The following IRF2BPL variants were observed in gnomAD, a reference collection of about 807,000 sequenced individuals.
IRF2BPL encodes probable E3 ubiquitin-protein ligase IRF2BPL.
Under a neutral mutation model 51.2 loss-of-function variants are expected in IRF2BPL, and 13 were observed. That is an observed-to-expected ratio of 0.25 (90% CI 0.17 to 0.40). The LOEUF is 0.40. Among genes scored for constraint, IRF2BPL ranks in the 10% least tolerant of loss-of-function variants. The pLI is 1.00. For synonymous variants in IRF2BPL, 768 were observed against 509.2 expected (o/e 1.51, Z -6.84); for missense variants, 1,210 against 1,111.8 (o/e 1.09, Z -1.26).
In IRF2BPL at chr14:77,026,809, A is replaced by C; in HGVS notation, c.984T>G (p.Gly328=). Residue 328 remains glycine, a synonymous_variant, in exon 1 of 1, where the codon GGT becomes GGG. Coordinates refer to ENST00000238647, the MANE Select transcript of IRF2BPL (RefSeq NM_024496.4). ...SSVAEVGVGA[G]GKRPGSVSST... ...TCGACACCGAGCCGGGCCTCTTACC[A>C]CCAGCACCCACGCCCACCTCTGCCA... is the stretch of plus-strand genomic sequence containing the variant. The C allele has an allele frequency of 6.2e-7, 1 of 1,612,378 alleles. No homozygotes were observed. The highest frequency in any genetic ancestry group is 8.5e-7 in the Non-Finnish European group (1 of 1,179,630).
rs748742126 is a variant in IRF2BPL, at chr14:77,026,737, C to T, written c.1056G>A (p.Glu352=). 4 of 1,612,416 alleles carry T rather than the reference C, an allele frequency of 2.5e-6. No individual in the cohort carries two copies. The highest frequency in any genetic ancestry group is 3.4e-6 in the Non-Finnish European group (4 of 1,179,800). The stretch of plus-strand genomic sequence containing the variant: ...GGCTCTCGCTCAGCTCGGCCAGGGC[C>T]TCGGCGTTGCGCTGCTTCTCCTTCA... ...RELKEKQRNA[E]ALAELSESLR... The change falls in exon 1 of 1, where the codon GAG becomes GAA. Residue 352 remains glutamate, a synonymous_variant. Transcript: ENST00000238647.
chr14:77,027,446 TGC>T lies in IRF2BPL; in HGVS notation c.345_346del (p.Gln116AlafsTer16). On this transcript the variant is annotated frameshift_variant, in exon 1 of 1. Coordinates refer to ENST00000238647, the MANE Select transcript of IRF2BPL (RefSeq NM_024496.4). LOFTEE classifies it high-confidence loss of function. ...CTGCTGCTGCTGCTGCTGCTGCTGC[TGC>T]TGTTGCTGCTGCTGCTGCTGCTGTT... The T allele has an allele frequency of 2.1e-6, 2 of 973,222 alleles. No homozygotes were observed. The highest frequency in any genetic ancestry group is 2.9e-6 in the Non-Finnish European group (2 of 692,942). 60.3% of individuals were successfully genotyped at this position (973,222 alleles called of 1,614,324 possible). A position where few individuals can be genotyped will look rare whatever the true frequency, so the allele number is the denominator to read the frequency against.
rs1885196330 is a variant in IRF2BPL at position 77,027,695 on chromosome 14, G to T, written c.98C>A (p.Pro33His). ...PWAMIWDFSE[P>H]VCRGCVNYEG... ...GTAGTTGACGCAACCGCGGCATACG[G>T]GTTCCGAGAAGTCCCAGATCATGGC... is the stretch of plus-strand genomic sequence containing the variant. The change falls in exon 1 of 1, where the codon CCC becomes CAC. Residue 33 changes from proline (P) to histidine (H), a missense_variant. Transcript: ENST00000238647. 1 of 1,610,466 alleles carries T rather than the reference G, an allele frequency of 6.2e-7. No homozygotes were observed. The highest frequency in any genetic ancestry group is 8.5e-7 in the Non-Finnish European group (1 of 1,178,936).
chr14:77,026,632 G>C lies in IRF2BPL; in HGVS notation c.1161C>G (p.Pro387=). 1.9e-6 allele frequency: 3 copies of C among 1,613,796 alleles called. No homozygotes were observed. Among genetic ancestry groups the C allele is most frequent in the Non-Finnish European group, 1.7e-6 (2 of 1,180,002 alleles). ...DTLLTLAGCT[P]YEVRFKKDHS... is the part of the protein sequence containing the mutation. ...GGTCCTTCTTGAAGCGAACCTCGTAGGGCGTGCAGCCTGCCAGCGTGAGCA... is the reference window on the plus strand; with the variant it reads ...GGTCCTTCTTGAAGCGAACCTCGTACGGCGTGCAGCCTGCCAGCGTGAGCA... The change falls in exon 1 of 1, where the codon CCC becomes CCG. Residue 387 remains proline, a synonymous_variant. Transcript: ENST00000238647.
rs762360613 is a variant in IRF2BPL at position 77,027,654 on chromosome 14, T to C, written c.139A>G (p.Ile47Val). The C allele has an allele frequency of 4.3e-6, 7 of 1,610,960 alleles. No individual in the cohort carries two copies. Among genetic ancestry groups the C allele is most frequent in the Non-Finnish European group, 5.9e-6 (7 of 1,179,174 alleles). ...CGCGCTGTCTCGATCACGAATTCGA[T>C]GCGATCAGCGCCCTCGTAGTTGACG... ...GCVNYEGADR[I>V]EFVIETARQL... The change falls in exon 1 of 1, where the codon ATC (isoleucine) becomes GTC (valine). Residue 47 changes from isoleucine (I) to valine (V), a missense_variant. Coordinates refer to ENST00000238647, the MANE Select transcript of IRF2BPL (RefSeq NM_024496.4).
Position 77,025,219 on chromosome 14 carries a change from C to T in IRF2BPL, c.*183G>A, listed in dbSNP as rs1885075415. 2 of 461,792 alleles carry T rather than the reference C, an allele frequency of 4.3e-6. No homozygotes were observed. Among genetic ancestry groups the T allele is most frequent in the Non-Finnish European group, 7.6e-6 (2 of 262,644 alleles). 28.6% of individuals were successfully genotyped at this position (461,792 alleles called of 1,614,324 possible). On this transcript the variant is annotated 3_prime_UTR_variant, in exon 1 of 1. Transcript: ENST00000238647. ...ATGAAGAAGTTACATACCTTTGTTT[C>T]AAAATATAGAAACATACGACGAAAA...
At position 77,027,905 on chromosome 14, in the gene IRF2BPL, GGGGGCGAGAAAGTTCTGCCCCA is replaced by G. The variant is rs1243935268; in HGVS notation, c.-135_-114del. 4.6e-6 allele frequency: 6 copies of G among 1,304,154 alleles called. No homozygotes were observed. The highest frequency in any genetic ancestry group is 6.0e-6 in the Non-Finnish European group (6 of 996,882). The allele number at this position is 1,304,154 out of a possible 1,614,324, so 80.8% of individuals were successfully genotyped here. ...GTCCGACTGCGGGGGAGGGAGGAGGGGGGGCGAGAAAGTTCTGCCCCAGGGGCTGGAGGGAACGCGAGTCTCC... is the reference window on the plus strand; with the variant it reads ...GTCCGACTGCGGGGGAGGGAGGAGGGGGGGCTGGAGGGAACGCGAGTCTCC... On this transcript the variant is annotated 5_prime_UTR_variant, in exon 1 of 1. Coordinates refer to ENST00000238647, the MANE Select transcript of IRF2BPL (RefSeq NM_024496.4).
chr14:77,026,059 C>T lies in IRF2BPL; in HGVS notation c.1734G>A (p.Lys578=). ...QWMANQSEAL[K]LTMSAGGFAA... ...CGAAGCCCCCGGCGGACATGGTGAG[C>T]TTCAGCGCCTCGCTCTGGTTCGCCA... The change falls in exon 1 of 1, where the codon AAG becomes AAA. Residue 578 remains lysine, a synonymous_variant. Coordinates refer to ENST00000238647, the MANE Select transcript of IRF2BPL (RefSeq NM_024496.4). 6.4e-7 allele frequency: 1 copy of T among 1,568,466 alleles called. No homozygotes were observed. Among genetic ancestry groups the T allele is most frequent in the Middle Eastern group, 1.7e-4 (1 of 5,972 alleles).
rs1426513358 is a variant in IRF2BPL, at chr14:77,025,727, C to T, written c.2066G>A (p.Ser689Asn). ...CACTTGGTCCATGCCCGGGTGGGCG[C>T]TAGGCGGCGGGGGCGCCACCTGTAA... ...LNLQVAPPPP[S>N]AHPGMDQVHP... The change falls in exon 1 of 1, where the codon AGC (serine) becomes AAC (asparagine). Residue 689 changes from serine (S) to asparagine (N), a missense_variant. Transcript: ENST00000238647. 3 of 1,578,632 alleles carry T rather than the reference C, an allele frequency of 1.9e-6. No individual in the cohort carries two copies.
In IRF2BPL at chr14:77,025,893, G is replaced by C; in HGVS notation, c.1900C>G (p.Leu634Val). 6.2e-7 allele frequency: 1 copy of C among 1,612,270 alleles called. No individual in the cohort carries two copies. The highest frequency in any genetic ancestry group is 8.5e-7 in the Non-Finnish European group (1 of 1,179,700). The part of the protein sequence containing the change: ...MAALMSVADT[L>V]GTAHSPKDGS... Reference sequence around the variant, plus strand: ...TCCTTGGGCGAGTGCGCTGTGCCCAGAGTATCTGCCACCGACATGAGAGCG... The same window carrying C: ...TCCTTGGGCGAGTGCGCTGTGCCCACAGTATCTGCCACCGACATGAGAGCG... The change falls in exon 1 of 1, where the codon CTG becomes GTG. Residue 634 changes from leucine to valine, a missense_variant. By Grantham distance (32) the Leu-to-Val change is conservative (BLOSUM62 1). Transcript: ENST00000238647.
At position 77,026,103 on chromosome 14, in the gene IRF2BPL, G is replaced by C; in HGVS notation, c.1690C>G (p.Gln564Glu). Reference sequence around the variant, plus strand: ...TTCGCCATCCACTGCTGCCTCTGCTGTTCCTCGCCCAGCTTCAGCGCGCCC... The same window carrying C: ...TTCGCCATCCACTGCTGCCTCTGCTCTTCCTCGCCCAGCTTCAGCGCGCCC... ...AEGALKLGEE[Q>E]QRQQWMANQS... The change falls in exon 1 of 1, where the codon CAG (glutamine) becomes GAG (glutamate). Residue 564 changes from glutamine to glutamate, a missense_variant. Transcript: ENST00000238647. 6.3e-7 allele frequency: 1 copy of C among 1,575,944 alleles called. No homozygotes were observed. Among genetic ancestry groups the C allele is most frequent in the South Asian group, 1.1e-5 (1 of 87,340 alleles).
At position 77,027,504 on chromosome 14, in the gene IRF2BPL, C is replaced by T. The variant is rs761812304; in HGVS notation, c.289G>A (p.Ala97Thr). The change falls in exon 1 of 1, where the codon GCC (alanine) becomes ACC (threonine). Residue 97 changes from alanine to threonine, a missense_variant. Coordinates refer to ENST00000238647, the MANE Select transcript of IRF2BPL (RefSeq NM_024496.4). ...EAAAAAAAAA[A>T]AAAAAQQQQQ... is the part of the protein sequence containing the mutation. ...TGCTGTTGCGCGGCGGCGGCGGCGG[C>T]CGCCGCTGCTGCCGCCGCCGCCGCC... is the stretch of plus-strand genomic sequence containing the variant. The T allele has an allele frequency of 1.4e-5, 9 of 625,674 alleles. 1 individual carries two copies. In the South Asian group the frequency reaches 3.0e-4, roughly 21 times the overall value. The allele number at this position is 625,674 out of a possible 1,614,324, so 38.8% of individuals were successfully genotyped here. A position where few individuals can be genotyped will look rare whatever the true frequency, so the allele number is the denominator to read the frequency against.
chr14:77,025,497 G>A lies in IRF2BPL; in HGVS notation c.2296C>T (p.Leu766=), dbSNP rs935659940. ...VYCPSGEKCP[L]VGSNVPWAFM... Reference sequence around the variant, plus strand: ...GCCCAAGGTACATTCGACCCGACTAGGGGGCATTTCTCTCCGCTGGGGCAA... The same window carrying A: ...GCCCAAGGTACATTCGACCCGACTAAGGGGCATTTCTCTCCGCTGGGGCAA... Residue 766 remains leucine, a synonymous_variant, in exon 1 of 1, where the codon CTA becomes TTA. Coordinates refer to ENST00000238647, the MANE Select transcript of IRF2BPL (RefSeq NM_024496.4). 2.3e-5 allele frequency: 37 copies of A among 1,613,690 alleles called. No individual in the cohort carries two copies. Among genetic ancestry groups the A allele is most frequent in the Non-Finnish European group, 3.1e-5 (36 of 1,179,834 alleles).
Position 77,026,217 on chromosome 14 carries a change from C to T in IRF2BPL, c.1576G>A (p.Ala526Thr), listed in dbSNP as rs1457782159. 4 of 1,399,636 alleles carry T rather than the reference C, an allele frequency of 2.9e-6. No individual in the cohort carries two copies. The South Asian group carries it at 4.9e-5, about 17-fold the overall frequency. The allele number at this position is 1,399,636 out of a possible 1,614,324, so 86.7% of individuals were successfully genotyped here. A position where few individuals can be genotyped will look rare whatever the true frequency, so the allele number is the denominator to read the frequency against. Residue 526 changes from alanine (A) to threonine (T), a missense_variant, in exon 1 of 1, where the codon GCC becomes ACC. Coordinates refer to ENST00000238647, the MANE Select transcript of IRF2BPL (RefSeq NM_024496.4). Reference protein sequence around the residue: ...RAPSAPPGTGALPPAAPSGRG... With the variant: ...RAPSAPPGTGTLPPAAPSGRG... ...CCCGACGGCGCGGCGGGCGGCAAGG[C>T]CCCGGTCCCCGGGGGTGCGCTGGGG... is the stretch of plus-strand genomic sequence containing the variant.
rs1007860615 is a variant in IRF2BPL at position 77,028,213 on chromosome 14, C to T, written c.-421G>A. On this transcript the variant is annotated 5_prime_UTR_variant, in exon 1 of 1. Transcript: ENST00000238647. ...GGAAGCTCGAAAGGGGCTGTCTCTT[C>T]CTCTCCCCGGGGACCCCCCTACGAG... is the stretch of plus-strand genomic sequence containing the variant. 4.0e-5 allele frequency: 9 copies of T among 225,588 alleles called. No homozygotes were observed. Among genetic ancestry groups the T allele is most frequent in the Admixed American group, 1.8e-4 (3 of 17,076 alleles). 14.0% of individuals were successfully genotyped at this position (225,588 alleles called of 1,614,324 possible). A position where few individuals can be genotyped will look rare whatever the true frequency, so the allele number is the denominator to read the frequency against.
rs1466240864 is a variant in IRF2BPL at position 77,027,629 on chromosome 14, C to T, written c.164G>A (p.Arg55His). Residue 55 changes from arginine (R) to histidine (H), a missense_variant, in exon 1 of 1, where the codon CGC becomes CAC. Coordinates refer to ENST00000238647, the MANE Select transcript of IRF2BPL (RefSeq NM_024496.4). Reference protein sequence around the residue: ...DRIEFVIETARQLKRAHGCFQ... With the variant: ...DRIEFVIETAHQLKRAHGCFQ... ...GCAGCCGTGCGCCCGCTTCAGCTGG[C>T]GCGCTGTCTCGATCACGAATTCGAT... 1.9e-6 allele frequency: 3 copies of T among 1,605,428 alleles called. No homozygotes were observed. Among genetic ancestry groups the T allele is most frequent in the Middle Eastern group, 1.7e-4 (1 of 6,048 alleles).
In IRF2BPL at chr14:77,027,890, G is replaced by C; in HGVS notation, c.-98C>G. 7.4e-7 allele frequency: 1 copy of C among 1,354,664 alleles called. No individual in the cohort carries two copies. Among genetic ancestry groups the C allele is most frequent in the Non-Finnish European group, 9.6e-7 (1 of 1,038,344 alleles). 83.9% of individuals were successfully genotyped at this position (1,354,664 alleles called of 1,614,324 possible). A position where few individuals can be genotyped will look rare whatever the true frequency, so the allele number is the denominator to read the frequency against. ...CCGGCTGGGGAGGGAGTCCGACTGCGGGGGAGGGAGGAGGGGGGGCGAGAA... is the reference window on the plus strand; with the variant it reads ...CCGGCTGGGGAGGGAGTCCGACTGCCGGGGAGGGAGGAGGGGGGGCGAGAA... On this transcript the variant is annotated 5_prime_UTR_variant, in exon 1 of 1. Coordinates refer to ENST00000238647, the MANE Select transcript of IRF2BPL (RefSeq NM_024496.4).
rs1026590053 is a variant in IRF2BPL, at chr14:77,026,887, G to A, written c.906C>T (p.Thr302=). The change falls in exon 1 of 1, where the codon ACC becomes ACT. Residue 302 remains threonine, a synonymous_variant. Transcript: ENST00000238647. ...AGGACGACGTGGCCGATACACCCGG[G>A]GTACCCCCGAGACAAGCGGGGCCCC... ...APGGPACLGG[T]PGVSATSSSA... 9.0e-6 allele frequency: 14 copies of A among 1,550,110 alleles called. No homozygotes were observed. In the Admixed American group the frequency reaches 1.6e-4, roughly 18 times the overall value.
In IRF2BPL at chr14:77,027,713, A is replaced by G. The variant is rs745607675; in HGVS notation, c.80T>C (p.Ile27Thr). 2 of 1,609,036 alleles carry G rather than the reference A, an allele frequency of 1.2e-6. No homozygotes were observed. The highest frequency in any genetic ancestry group is 1.7e-5 in the Admixed American group (1 of 59,802). Residue 27 changes from isoleucine to threonine, a missense_variant, in exon 1 of 1, where the codon ATC becomes ACC. Coordinates refer to ENST00000238647, the MANE Select transcript of IRF2BPL (RefSeq NM_024496.4). ...GCATACGGGTTCCGAGAAGTCCCAG[A>G]TCATGGCCCAGGGCATGCGGGGCAG... The part of the protein sequence containing the change: ...CDLPRMPWAM[I>T]WDFSEPVCRG...
Sources: allele counts gnomAD v4.1 joint callset, GRCh38; gene constraint gnomAD v4.1.1; transcripts MANE v1.5; gene names NCBI Gene and HGNC (gene_info 2026-07-23, HGNC 2026-07-21).